Variants in CTNNA2 observed in about 807,000 individuals in gnomAD.
The protein encoded by CTNNA2 is catenin alpha 2.
Under a neutral mutation model 101.0 loss-of-function variants are expected in CTNNA2, and 42 were observed. The observed-to-expected ratio is 0.42, with a 90% confidence interval of 0.32 to 0.54. The LOEUF (loss-of-function observed/expected upper bound fraction) is 0.54, where lower values mean the gene tolerates loss of function less well. Among genes scored for constraint, CTNNA2 ranks in the 20% least tolerant of loss-of-function variants. The probability of loss-of-function intolerance (pLI) is 0.14; values close to 1 mark genes in which losing one functional copy is unlikely to be tolerated. For missense variants in CTNNA2, 871 were observed against 1,223.1 expected (o/e 0.71, Z 4.29); for synonymous variants, 450 against 456.4 (o/e 0.99, Z 0.18).
chr2:80,529,186 T>C (rs1690304793), intron 9 of CTNNA2, among the ~76,000 whole-genome samples: 1 of 152,156 alleles, frequency 6.6e-6, no homozygotes, highest in South Asian at 2.1e-4. Context: ...TTGGTAAGAA[T>C]AGTAACTATT....
At chr2:80,639,834 G>T (rs1478312901) in intron 18 of CTNNA2, among the ~76,000 whole-genome samples, 1 of 152,058 alleles carries the variant, frequency 6.6e-6, no homozygotes, top group Non-Finnish European at 1.5e-5. Flanking sequence ...CGGGCGCGGT[G>T]GCTCACGCCT....
In CTNNA2 at chr2:79,221,617, A is replaced by T. The variant is rs181296804; in HGVS notation, c.-406+23541A>T. Among the ~76,000 whole-genome samples the T allele has an allele frequency of 7.7e-3, 1,161 of 149,892 alleles. 7 individuals carry two copies. The highest frequency in any genetic ancestry group is 0.021 in the African/African-American group (831 of 39,884). On this transcript the variant is annotated intron_variant, in intron 2 of 21. Coordinates refer to the CTNNA2 transcript ENST00000466387. The stretch of plus-strand genomic sequence containing the variant: ...CTAGCTTGGCAAATTTTTTTTTTTT[A>T]AAAAACTGACAAGTCTGTATTGTCT...
intron 7 of CTNNA2, among the ~76,000 whole-genome samples, chr2:80,300,281 GGT>G (rs70940079): frequency 0.11 from 10,588 of 92,744 alleles, 446 homozygotes; most frequent in East Asian, 0.3. Flanking sequence ...GGGGTGTTGG[GGT>G]GTGTGTGTGT....
chr2:79,935,350 CTCT>C (rs1217350318), intron 7 of CTNNA2, among the ~76,000 whole-genome samples: 4 of 133,580 alleles, frequency 3.0e-5, no homozygotes, highest in Admixed American at 7.2e-5. Flanking sequence ...TTCTCTCTCT[CTCT>C]TTTTTTTTTT....
intron 6 of CTNNA2, among the ~76,000 whole-genome samples, chr2:79,902,388 T>A (rs1685122710): frequency 6.6e-6 from 1 of 152,176 alleles, no homozygotes. Context: ...TAGGTGTGTT[T>A]TTTTGCTTTG....
At chr2:80,590,474 A>C (rs1466083310) in intron 15 of CTNNA2, among the ~76,000 whole-genome samples, 1 of 151,590 alleles carries the variant, frequency 6.6e-6, no homozygotes, top group East Asian at 1.9e-4. Context: ...AAGATGTTTT[A>C]ATGATTTAAC....
At chr2:80,323,912 C>T (rs1458297026) in intron 7 of CTNNA2, among the ~76,000 whole-genome samples, 1 of 152,138 alleles carries the variant, frequency 6.6e-6, no homozygotes, top group Non-Finnish European at 1.5e-5. Context: ...AGGTTACTCT[C>T]AGCTAACATT....
intron 7 of CTNNA2, among the ~76,000 whole-genome samples, chr2:80,081,533 T>G (rs553421611): frequency 7.5e-5 from 11 of 146,416 alleles, no homozygotes; most frequent in Non-Finnish European, 1.7e-4. Flanking sequence ...TCTCTCACTT[T>G]GTTCTTTTCC....
rs11126728 is a variant in CTNNA2 at position 79,427,467 on chromosome 2, T to C, written c.-135+53454T>C. Among the ~76,000 whole-genome samples the C allele has an allele frequency of 0.011, 1,617 of 152,182 alleles. 80 individuals are homozygous for C. The East Asian group carries it at 0.13, about 12-fold the overall frequency. On this transcript the variant is annotated intron_variant, in intron 4 of 21. Transcript: ENST00000466387. Reference sequence around the variant, plus strand: ...ACTTTTAATAAGCTTTATTAACTTCTGATTGACATTCTTCAAATGAATCTA... The same window carrying C: ...ACTTTTAATAAGCTTTATTAACTTCCGATTGACATTCTTCAAATGAATCTA...
intron 1 of CTNNA2, 76 bp downstream of exon 1, chr2:79,513,283 TCCCCCCTCCCCGCTCCCCAAC>T (rs1671625934): frequency 1.8e-5 from 1 of 54,626 alleles, no homozygotes; most frequent in South Asian, 6.4e-4. Flanking sequence ...CTCTCCATCC[TCCCCCCTCCCCGCTCCCCAAC>T]CCTCCCTCCC....
At chr2:80,227,237 C>T (rs927360340) in intron 7 of CTNNA2, among the ~76,000 whole-genome samples, 1 of 152,106 alleles carries the variant, frequency 6.6e-6, no homozygotes, top group Non-Finnish European at 1.5e-5. Flanking sequence ...GAAGGGACAC[C>T]ACCTTAGGCA....
chr2:79,504,615 T>C (rs1171096959), intron 4 of CTNNA2, among the ~76,000 whole-genome samples: 5 of 152,054 alleles, frequency 3.3e-5, no homozygotes, highest in Non-Finnish European at 7.4e-5. Context: ...AATGACGGAG[T>C]ATCTGGATGG....
chr2:79,803,997 C>A (rs1676369730), intron 3 of CTNNA2, among the ~76,000 whole-genome samples: 1 of 152,330 alleles, frequency 6.6e-6, no homozygotes, highest in Admixed American at 6.5e-5. Flanking sequence ...GACTAAGAGG[C>A]AGCTGGCCAT....
chr2:80,430,193 A>G (rs1681364072), intron 9 of CTNNA2, among the ~76,000 whole-genome samples: 2 of 152,180 alleles, frequency 1.3e-5, no homozygotes, highest in South Asian at 4.1e-4. Context: ...TTATATTCCA[A>G]TAGGTGAATT....
At chr2:80,298,311 G>C (rs1040189932) in intron 7 of CTNNA2, 5 of 152,084 alleles carry the variant, frequency 3.3e-5, no homozygotes, top group African/African-American at 4.8e-5. Context: ...TCATCTAGAG[G>C]AGATAATTTA....
intron 18 of CTNNA2, among the ~76,000 whole-genome samples, chr2:80,645,058 A>G (rs532241278): frequency 6.6e-6 from 1 of 152,178 alleles, no homozygotes; most frequent in Non-Finnish European, 1.5e-5. Context: ...TTTGGGGACC[A>G]TTTAATAATA....
intron 7 of CTNNA2, among the ~76,000 whole-genome samples, chr2:80,283,593 G>T (rs1674542975): frequency 1.3e-5 from 2 of 152,096 alleles, no homozygotes; most frequent in Admixed American, 6.6e-5. Flanking sequence ...TGCTTGATAG[G>T]CTAGGGACTT....
chr2:79,742,690 C>T lies in CTNNA2; in HGVS notation c.103-1697C>T, dbSNP rs550722440. Among the ~76,000 whole-genome samples, 44 of 152,164 alleles carry T rather than the reference C, an allele frequency of 2.9e-4. 1 individual carries two copies. Among genetic ancestry groups the T allele is most frequent in the Admixed American group, 2.8e-3 (43 of 15,270 alleles). ...ATGGGTGGCACTGAAAAGATTACAA[C>T]GTGTTCCTCATCGCATACACATTTT... is the stretch of plus-strand genomic sequence containing the variant. On this transcript the variant is annotated intron_variant, in intron 2 of 18. Transcript: ENST00000402739.
At chr2:80,047,224 A>T (rs907185232) in intron 7 of CTNNA2, among the ~76,000 whole-genome samples, 4 of 152,234 alleles carry the variant, frequency 2.6e-5, no homozygotes, top group African/African-American at 9.6e-5. Context: ...CTCTAGCCAC[A>T]TGTAATTATT....
Sources: allele counts gnomAD v4.1 joint callset (sites outside exome capture counted in the v4.1 genomes callset), GRCh38; gene constraint gnomAD v4.1.1; transcripts MANE v1.5; gene names NCBI Gene and HGNC (gene_info 2026-07-23, HGNC 2026-07-21).